The following ENAH variants were observed in gnomAD, a reference collection of about 807,000 sequenced individuals.
ENAH encodes ENAH actin regulator, also known as protein enabled homolog.
In ENAH, 23 loss-of-function variants were observed where a neutral mutation model predicts 78.7. That is an observed-to-expected ratio of 0.29 (90% CI 0.21 to 0.41). The LOEUF is 0.41. Among genes scored for constraint, ENAH ranks in the 10% least tolerant of loss-of-function variants. ENAH has a pLI of 1.00. For missense variants in ENAH, 544 were observed against 691.0 expected, an observed-to-expected ratio of 0.79 and a Z score of 2.39; for synonymous variants, 226 against 241.0, an observed-to-expected ratio of 0.94 and a Z score of 0.58.
At chr1:225,602,091 T>A (rs941008149) in intron 1 of ENAH, among the ~76,000 whole-genome samples, 10 of 151,760 alleles carry the variant, frequency 6.6e-5, no homozygotes, top group Non-Finnish European at 1.3e-4. Context: ...GTAAGATTCA[T>A]CAAGAAAAAG....
At chr1:225,545,910 CTTTTTTTTTT>C (rs56105983) in intron 3 of ENAH, among the ~76,000 whole-genome samples, 8 of 109,466 alleles carry the variant, frequency 7.3e-5, no homozygotes, top group African/African-American at 1.5e-4. Context: ...CATCTGTAAA[CTTTTTTTTTT>C]TTTTTTTTTT....
chr1:225,574,931 TA>T lies in ENAH; in HGVS notation c.6-7518del, dbSNP rs901984109. Among the ~76,000 whole-genome samples the T allele has an allele frequency of 7.4e-3, 105 of 14,128 alleles. 15 individuals carry two copies. In the East Asian group the frequency reaches 0.24, roughly 32 times the overall value. The allele number at this position is 14,128 out of a possible 152,430, so 9.3% of individuals were successfully genotyped here. A position where few individuals can be genotyped will look rare whatever the true frequency, so the allele number is the denominator to read the frequency against. ...AAAAAAAAAAAAAAATATATATATA[TA>T]AAAAAAAAAAAAGATTGTGCATTCA... On this transcript the variant is annotated intron_variant, in intron 1 of 13. Transcript: ENST00000366843.
chr1:225,610,284 C>T (rs7415548), intron 1 of ENAH, among the ~76,000 whole-genome samples: 12,946 of 151,720 alleles, frequency 0.085, 640 homozygotes, highest in Admixed American at 0.14. Context: ...ATAATATGTA[C>T]GCATTATTTT....
rs2096219145 is a variant in ENAH, at chr1:225,490,853, G to C, written c.*6922C>G. 3 of 152,186 alleles carry C rather than the reference G, an allele frequency of 2.0e-5. No individual in the cohort carries two copies. Among genetic ancestry groups the C allele is most frequent in the South Asian group, 2.1e-4 (1 of 4,830 alleles). The allele number at this position is 152,186 out of a possible 1,614,324, so 9.4% of individuals were successfully genotyped here. A position where few individuals can be genotyped will look rare whatever the true frequency, so the allele number is the denominator to read the frequency against. On this transcript the variant is annotated 3_prime_UTR_variant, in exon 14 of 14. Transcript: ENST00000366843. ...ATCCATGGGCTATTGCTGAGTTGCG[G>C]AACTAGCCTACAGCTAACTCAAATT... is the stretch of plus-strand genomic sequence containing the variant.
chr1:225,572,340 G>C (rs189893833), intron 1 of ENAH, among the ~76,000 whole-genome samples: 43 of 152,202 alleles, frequency 2.8e-4, no homozygotes, highest in Admixed American at 1.2e-3. Context: ...ATACAGAACT[G>C]GCTGCCAATA....
At chr1:225,633,545 C>G (rs1054821253) in intron 1 of ENAH, among the ~76,000 whole-genome samples, 4 of 152,136 alleles carry the variant, frequency 2.6e-5, no homozygotes, top group African/African-American at 9.7e-5. Flanking sequence ...TGGAGTTACG[C>G]AGGACTTAGA....
intron 3 of ENAH, among the ~76,000 whole-genome samples, chr1:225,554,228 T>C (rs2096655429): frequency 6.6e-6 from 1 of 152,198 alleles, no homozygotes; most frequent in African/African-American, 2.4e-5. Context: ...AAAATCTCTC[T>C]CTTCAAAGAA....
chr1:225,630,045 A>G (rs1658716952), intron 1 of ENAH, among the ~76,000 whole-genome samples: 1 of 152,212 alleles, frequency 6.6e-6, no homozygotes, highest in African/African-American at 2.4e-5. Flanking sequence ...TCCTTTCTAT[A>G]TAATTAACCA....
Position 225,519,178 on chromosome 1 carries a change from A to G in ENAH, c.802+20T>C. ...CCAAGCTCAGATACAAGAACACAGA[A>G]GAGTTTGTAAACTTCTTACCAGCAC... On this transcript the variant is annotated intron_variant, in intron 5 of 13. Transcript: ENST00000366843. The G allele has an allele frequency of 6.2e-7, 1 of 1,609,676 alleles. No individual in the cohort carries two copies. The highest frequency in any genetic ancestry group is 8.5e-7 in the Non-Finnish European group (1 of 1,176,736).
chr1:225,514,535 A>T (rs1227155253), intron 7 of ENAH, 61 bp downstream of exon 7: 1 of 1,194,776 alleles, frequency 8.4e-7, no homozygotes, highest in Non-Finnish European at 1.2e-6. Flanking sequence ...AATAAATTCA[A>T]CATTTTAGAT....
At chr1:225,599,101 C>A (rs1290070194) in intron 1 of ENAH, among the ~76,000 whole-genome samples, 1 of 152,082 alleles carries the variant, frequency 6.6e-6, no homozygotes, top group Non-Finnish European at 1.5e-5. Context: ...AACAGTCCTG[C>A]CCAAAAATGT....
At chr1:225,505,534 T>C (rs2096320241) in intron 11 of ENAH, among the ~76,000 whole-genome samples, 1 of 152,226 alleles carries the variant, frequency 6.6e-6, no homozygotes, top group Non-Finnish European at 1.5e-5. Flanking sequence ...ATGCATATTA[T>C]GGGACATTAA....
chr1:225,503,875 C>T (rs1317443266), intron 11 of ENAH, among the ~76,000 whole-genome samples: 1 of 151,892 alleles, frequency 6.6e-6, no homozygotes, highest in African/African-American at 2.4e-5. Context: ...ATTCATATTC[C>T]CAGTGAACTT....
At position 225,519,331 on chromosome 1, in the gene ENAH, ATCCAGGCGTTCCTGCCGC is replaced by A. The variant is rs71170086; in HGVS notation, c.651_668del (p.Glu217_Leu222del). 0.045 allele frequency: 71,895 copies of A among 1,610,184 alleles called. 6,841 individuals are homozygous for A. Among genetic ancestry groups the A allele is most frequent in the South Asian group, 0.06 (5,428 of 90,706 alleles). ...GTTCTTGTCTTTCTTGCCTCTCCCG[ATCCAGGCGTTCCTGCCGC>A]TCCAGGCGTTCCTGCCGCTCCAGGC... On this transcript the variant is annotated inframe_deletion, in exon 5 of 14. Transcript: ENST00000366843.
At chr1:225,521,617 G>C (rs2096468581) in intron 4 of ENAH, among the ~76,000 whole-genome samples, 1 of 149,988 alleles carries the variant, frequency 6.7e-6, no homozygotes, top group East Asian at 1.9e-4. Flanking sequence ...CCCCAGCCTG[G>C]GTGACAGAGT....
At chr1:225,552,193 G>A (rs1317373353) in intron 3 of ENAH, among the ~76,000 whole-genome samples, 1 of 138,398 alleles carries the variant, frequency 7.2e-6, no homozygotes, top group African/African-American at 2.7e-5. Context: ...CTGGAGAGCA[G>A]TGGCACGATC....
intron 1 of ENAH, among the ~76,000 whole-genome samples, chr1:225,609,195 A>C (rs990075826): frequency 2.0e-5 from 3 of 152,150 alleles, no homozygotes; most frequent in Non-Finnish European, 4.4e-5. Flanking sequence ...AAAAAAAAAG[A>C]AACTGAAAGA....
At chr1:225,531,742 T>C (rs1396183780) in intron 3 of ENAH, among the ~76,000 whole-genome samples, 1 of 152,116 alleles carries the variant, frequency 6.6e-6, no homozygotes, top group Non-Finnish European at 1.5e-5. Context: ...TTGTGCAAAG[T>C]ATTTTATACT....
chr1:225,522,245 T>C (rs926225276), intron 4 of ENAH, among the ~76,000 whole-genome samples: 1 of 152,134 alleles, frequency 6.6e-6, no homozygotes, highest in African/African-American at 2.4e-5. Context: ...AGTAAGATCT[T>C]TCCAAAAATC....
Sources: allele counts gnomAD v4.1 joint callset (sites outside exome capture counted in the v4.1 genomes callset), GRCh38; gene constraint gnomAD v4.1.1; transcripts MANE v1.5; gene names NCBI Gene and HGNC (gene_info 2026-07-23, HGNC 2026-07-21).